SLC12A1: variants seen among roughly 807,000 people sequenced by gnomAD.
The protein encoded by SLC12A1 is Na-K-2Cl cotransporter.
Under a neutral mutation model 130.4 loss-of-function variants are expected in SLC12A1, and 89 were observed. That is an observed-to-expected ratio of 0.68 (90% CI 0.58 to 0.81). SLC12A1 has a LOEUF of 0.81. SLC12A1 is among the 40% of genes least tolerant of loss of function. SLC12A1 has a pLI of 0.00. For missense variants in SLC12A1, 1,310 were observed against 1,336.4 expected (o/e 0.98, Z 0.31); for synonymous variants, 499 against 460.0 (o/e 1.08, Z -1.09).
chr15:48,245,907 A>G (rs995510067), intron 11 of SLC12A1, among the ~76,000 whole-genome samples: 1 of 152,234 alleles, frequency 6.6e-6, no homozygotes, highest in South Asian at 2.1e-4. Flanking sequence ...GAAAGCCTAG[A>G]AGACAAAGCT....
chr15:48,249,542 A>G (rs757570904), intron 13 of SLC12A1, 33 bp from the exon 14 acceptor site: 26 of 1,519,290 alleles, frequency 1.7e-5, no homozygotes, highest in Non-Finnish European at 2.4e-5. Flanking sequence ...CTCATCACTC[A>G]TACGTACATG....
At chr15:48,285,521 T>G (rs2042048072) in intron 21 of SLC12A1, among the ~76,000 whole-genome samples, 1 of 152,220 alleles carries the variant, frequency 6.6e-6, no homozygotes, top group Admixed American at 6.5e-5. Context: ...GCAGATTGCA[T>G]GCCATAAAAC....
intron 24 of SLC12A1, among the ~76,000 whole-genome samples, chr15:48,298,801 G>A (rs2042203264): frequency 6.6e-6 from 1 of 152,274 alleles, no homozygotes; most frequent in African/African-American, 2.4e-5. Flanking sequence ...CTATGTCTTC[G>A]ACTACACTAT....
intron 20 of SLC12A1, among the ~76,000 whole-genome samples, chr15:48,282,145 C>T (rs1008511273): frequency 6.6e-6 from 1 of 152,134 alleles, no homozygotes; most frequent in Non-Finnish European, 1.5e-5. Context: ...GGAATCACAC[C>T]ATGGTATGGA....
rs530486742 is a variant in SLC12A1 at position 48,249,367 on chromosome 15, T to G, written c.1685-208T>G. 4.6e-5 allele frequency among the ~76,000 whole-genome samples: 7 copies of G among 152,304 alleles called. No individual in the cohort carries two copies. The East Asian group carries it at 1.2e-3, about 25-fold the overall frequency. ...AGGTCTCGATTGTCTATTTTCTGATTGGTAGGCTTTTTTATTACTTACTTT... is the reference window on the plus strand; with the variant it reads ...AGGTCTCGATTGTCTATTTTCTGATGGGTAGGCTTTTTTATTACTTACTTT... On this transcript the variant is annotated intron_variant, in intron 13 of 26. Coordinates refer to ENST00000380993, the MANE Select transcript of SLC12A1 (RefSeq NM_000338.3).
intron 7 of SLC12A1, among the ~76,000 whole-genome samples, chr15:48,230,763 C>T (rs189864087): frequency 6.6e-6 from 1 of 152,218 alleles, no homozygotes; most frequent in Non-Finnish European, 1.5e-5. Context: ...GCACAGACCC[C>T]TTATGATCAT....
intron 2 of SLC12A1, among the ~76,000 whole-genome samples, chr15:48,219,410 C>T (rs2041170849): frequency 6.6e-6 from 1 of 151,722 alleles, no homozygotes; most frequent in South Asian, 2.1e-4. Flanking sequence ...ACAAAAAGTA[C>T]CTTGGCGTGG....
intron 19 of SLC12A1, among the ~76,000 whole-genome samples, chr15:48,274,010 T>C (rs572516812): frequency 6.6e-6 from 1 of 152,168 alleles, no homozygotes; most frequent in Non-Finnish European, 1.5e-5. Flanking sequence ...TTCCTTTGGG[T>C]TGAATACAGA....
Position 48,229,275 on chromosome 15 carries a change from G to C in SLC12A1, c.811G>C (p.Ala271Pro), listed in dbSNP as rs1209046543. Residue 271 changes from alanine to proline, a missense_variant, in exon 6 of 27, where the codon GCT becomes CCT. Transcript: ENST00000380993. The stretch of plus-strand genomic sequence containing the variant: ...GATCTTTGCTTTTGCTAATGCAGTG[G>C]CTGTTGCTATGTATGTGGTGGGATT... ...GLIFAFANAV[A>P]VAMYVVGFAE... is the part of the protein sequence containing the mutation. The C allele has an allele frequency of 6.9e-6, 11 of 1,604,838 alleles. No homozygotes were observed. Among genetic ancestry groups the C allele is most frequent in the Non-Finnish European group, 9.4e-6 (11 of 1,175,390 alleles).
chr15:48,207,829 A>G lies in SLC12A1; in HGVS notation c.110A>G (p.Asp37Gly), dbSNP rs774355538. 12 of 1,613,886 alleles carry G rather than the reference A, an allele frequency of 7.4e-6. No homozygotes were observed. The highest frequency in any genetic ancestry group is 5.5e-5 in the South Asian group (5 of 91,086). The change falls in exon 2 of 27, where the codon GAT becomes GGT. Residue 37 changes from aspartate (D) to glycine (G), a missense_variant. Asp to Gly is a moderately conservative substitution (Grantham distance 94, BLOSUM62 -1). Transcript: ENST00000380993. Reference sequence around the variant, plus strand: ...AACCATGAGAGCAGTGCAGCTGCAGATGACAATACTGACCCACCACATTAT... The same window carrying G: ...AACCATGAGAGCAGTGCAGCTGCAGGTGACAATACTGACCCACCACATTAT... ...NENHESSAAA[D>G]DNTDPPHYEE...
intron 4 of SLC12A1, chr15:48,221,258 A>G: frequency 2.9e-6 from 2 of 694,574 alleles, no homozygotes; most frequent in Admixed American, 2.0e-5. Context: ...TTAGGTACAC[A>G]GACATATAAT....
chr15:48,284,581 G>C (rs1160971184), intron 20 of SLC12A1, among the ~76,000 whole-genome samples: 1 of 152,174 alleles, frequency 6.6e-6, no homozygotes, highest in South Asian at 2.1e-4. Context: ...AACACATAGA[G>C]CTGTTTTTCT....
Position 48,274,658 on chromosome 15 carries a change from GTAC to G in SLC12A1, c.2485+7_2485+9del, listed in dbSNP as rs2041931873. 2.5e-6 allele frequency: 4 copies of G among 1,600,960 alleles called. No individual in the cohort carries two copies. The South Asian group carries it at 4.4e-5, about 18-fold the overall frequency. On this transcript the variant is annotated splice_donor_region_variant and intron_variant, in intron 20 of 26. Transcript: ENST00000380993. ...CTCAGGTTCTTCAGGTGCAAGGTATGTACTTTCTTTATTCAACCAACAAGTATT... is the reference window on the plus strand; with the variant it reads ...CTCAGGTTCTTCAGGTGCAAGGTATGTTTCTTTATTCAACCAACAAGTATT...
intron 21 of SLC12A1, among the ~76,000 whole-genome samples, 164 bp downstream of exon 21, chr15:48,285,413 T>C (rs2042047069): frequency 6.6e-6 from 1 of 152,236 alleles, no homozygotes; most frequent in African/African-American, 2.4e-5. Context: ...GTAGCAGCTA[T>C]TGTCATTTAT....
intron 8 of SLC12A1, 102 bp from the exon 9 acceptor site, chr15:48,234,775 A>T: frequency 9.1e-7 from 1 of 1,104,680 alleles, no homozygotes; most frequent in Non-Finnish European, 1.3e-6. Context: ...ATTAGAATAT[A>T]GGAATGTATT....
At chr15:48,247,293 T>C (rs766606755) in intron 12 of SLC12A1, 44 bp from the exon 13 acceptor site, 1 of 1,584,682 alleles carries the variant, frequency 6.3e-7, no homozygotes, top group Non-Finnish European at 8.6e-7. Flanking sequence ...AAAATGACTG[T>C]GCATAGCTAT....
chr15:48,241,740 T>G (rs1448577490), intron 10 of SLC12A1, 141 bp downstream of exon 10: 1 of 666,454 alleles, frequency 1.5e-6, no homozygotes. Flanking sequence ...ACCTTAATGT[T>G]AATGATGTGG....
At chr15:48,301,943 T>G (rs1358790116) in intron 26 of SLC12A1, among the ~76,000 whole-genome samples, 1 of 152,202 alleles carries the variant, frequency 6.6e-6, no homozygotes, top group Non-Finnish European at 1.5e-5. Flanking sequence ...CTCTAATGAC[T>G]TCACATTTAT....
At position 48,227,071 on chromosome 15, in the gene SLC12A1, T is replaced by C. The variant is rs554001779; in HGVS notation, c.724+500T>C. On this transcript the variant is annotated intron_variant, in intron 5 of 26. Transcript: ENST00000380993. The stretch of plus-strand genomic sequence containing the variant: ...GGAACCAAACACCTTTCTTGGGGGA[T>C]TTTGCAGGTCTTGGAGTCATCATCA... The C allele has an allele frequency of 1.1e-5, 17 of 1,547,370 alleles. No individual in the cohort carries two copies. The East Asian group carries it at 3.9e-4, about 36-fold the overall frequency.
Sources: gnomAD v4.1 joint callset for allele counts (sites outside exome capture counted in the v4.1 genomes callset) on GRCh38, gnomAD v4.1.1 for gene constraint, MANE v1.5 for transcripts, NCBI Gene and HGNC (gene_info 2026-07-23, HGNC 2026-07-21) for gene names.